Variants in CTNNA3 observed in about 807,000 individuals in gnomAD.
CTNNA3 encodes catenin alpha-3.
A neutral mutation model predicts 95.7 loss-of-function variants in CTNNA3; 76 were observed. That is an observed-to-expected ratio of 0.79 (90% CI 0.66 to 0.96). CTNNA3 has a LOEUF of 0.96. Ranked by LOEUF, CTNNA3 falls within the 40% of genes least tolerant of loss-of-function variation. The pLI, the probability that CTNNA3 is intolerant of heterozygous loss-of-function variation, is 0.00. For missense variants in CTNNA3, 1,191 were observed against 1,089.8 expected (o/e 1.09, Z -1.31); for synonymous variants, 431 against 374.4 (o/e 1.15, Z -1.74).
intron 15 of CTNNA3, among the ~76,000 whole-genome samples, chr10:66,069,019 G>C (rs1191893040): frequency 6.6e-6 from 1 of 152,114 alleles, no homozygotes; most frequent in Non-Finnish European, 1.5e-5. Flanking sequence ...ATTCTTTGTA[G>C]AAGTCACATG....
intron 12 of CTNNA3, among the ~76,000 whole-genome samples, chr10:66,352,639 A>G (rs2092575656): frequency 6.6e-6 from 1 of 152,078 alleles, no homozygotes; most frequent in Non-Finnish European, 1.5e-5. Flanking sequence ...TCCTATCATG[A>G]AATTCCCCTA....
chr10:67,716,694 G>T (rs1211734882), intron 1 of CTNNA3, among the ~76,000 whole-genome samples: 1 of 152,112 alleles, frequency 6.6e-6, no homozygotes, highest in African/African-American at 2.4e-5. Context: ...GTGTGTATGT[G>T]CCACATTTTC....
At chr10:67,178,743 G>T (rs9730985) in intron 7 of CTNNA3, among the ~76,000 whole-genome samples, 55,499 of 151,736 alleles carry the variant, frequency 0.37, 14,559 homozygotes, top group African/African-American at 0.75. Context: ...TCTGTAAAGA[G>T]GAAAATAATA....
In CTNNA3 at chr10:66,500,842, T is replaced by A. The variant is rs185873091; in HGVS notation, c.1531+19775A>T. Among the ~76,000 whole-genome samples the A allele has an allele frequency of 5.4e-4, 83 of 152,300 alleles. No homozygotes were observed. The East Asian group carries it at 0.014, about 26-fold the overall frequency. Reference sequence around the variant, plus strand: ...ATTAAATTATAAGGTTATGGGGGATTGTAGGGTAGTTGGTCTGGATGTCAG... The same window carrying A: ...ATTAAATTATAAGGTTATGGGGGATAGTAGGGTAGTTGGTCTGGATGTCAG... On this transcript the variant is annotated intron_variant, in intron 11 of 17. Transcript: ENST00000433211.
At chr10:66,595,839 G>A (rs1032766508) in intron 10 of CTNNA3, among the ~76,000 whole-genome samples, 2 of 151,644 alleles carry the variant, frequency 1.3e-5, no homozygotes, top group African/African-American at 2.4e-5. Context: ...TTGTAGAGAC[G>A]GGTTTCACTG....
At chr10:67,327,407 T>C (rs897097176) in intron 5 of CTNNA3, among the ~76,000 whole-genome samples, 1 of 152,236 alleles carries the variant, frequency 6.6e-6, no homozygotes, top group Non-Finnish European at 1.5e-5. Context: ...GTTTTTTTCC[T>C]TTTATCCTAT....
chr10:67,298,623 A>G (rs2132489088), intron 5 of CTNNA3, among the ~76,000 whole-genome samples: 1 of 152,348 alleles, frequency 6.6e-6, no homozygotes, highest in South Asian at 2.1e-4. Context: ...CTAGATTATG[A>G]GTGATCAGCT....
At chr10:66,990,287 G>A (rs1850972214) in intron 7 of CTNNA3, among the ~76,000 whole-genome samples, 1 of 152,122 alleles carries the variant, frequency 6.6e-6, no homozygotes, top group South Asian at 2.1e-4. Flanking sequence ...TAGTGCTGTG[G>A]CCAGGTGAAG....
In CTNNA3 at chr10:66,252,294, T is replaced by A. The variant is rs542048070; in HGVS notation, c.1884+28176A>T. Among the ~76,000 whole-genome samples, 7 of 152,340 alleles carry A rather than the reference T, an allele frequency of 4.6e-5. No homozygotes were observed. In the East Asian group the frequency reaches 1.3e-3, roughly 29 times the overall value. On this transcript the variant is annotated intron_variant, in intron 13 of 17. Coordinates refer to ENST00000433211, the MANE Select transcript of CTNNA3 (RefSeq NM_013266.4). The stretch of plus-strand genomic sequence containing the variant: ...TCAGGAAGAGAACATATTTTCAAGT[T>A]TATTTGCCTAGGCATCAAATGTTTA...
chr10:67,311,293 A>G (rs1446194090), intron 5 of CTNNA3, among the ~76,000 whole-genome samples: 1 of 152,154 alleles, frequency 6.6e-6, no homozygotes, highest in African/African-American at 2.4e-5. Context: ...AGAAGCAAAA[A>G]AGTGAGACAG....
chr10:67,053,956 T>G (rs565709332), intron 7 of CTNNA3, among the ~76,000 whole-genome samples: 4 of 152,132 alleles, frequency 2.6e-5, no homozygotes, highest in East Asian at 3.9e-4. Context: ...CTAATGACCT[T>G]ATGTCATCCA....
chr10:66,506,838 G>C (rs958201557), intron 11 of CTNNA3, among the ~76,000 whole-genome samples: 13 of 152,066 alleles, frequency 8.5e-5, no homozygotes, highest in African/African-American at 3.1e-4. Flanking sequence ...TTTTGACTAG[G>C]TATAGGTTGA....
chr10:67,564,600 A>C (rs570695317), intron 3 of CTNNA3, among the ~76,000 whole-genome samples: 11 of 140,026 alleles, frequency 7.9e-5, no homozygotes, highest in African/African-American at 2.7e-4. Context: ...TATGTAACAA[A>C]CCTGCACGTT....
intron 12 of CTNNA3, among the ~76,000 whole-genome samples, chr10:66,330,793 G>A (rs2092316631): frequency 6.6e-6 from 1 of 151,980 alleles, no homozygotes; most frequent in South Asian, 2.1e-4. Flanking sequence ...TCTCATTGTG[G>A]TTTTCATTTG....
chr10:66,966,395 G>A (rs1849412252), intron 7 of CTNNA3, among the ~76,000 whole-genome samples: 1 of 151,898 alleles, frequency 6.6e-6, no homozygotes, highest in African/African-American at 2.4e-5. Context: ...TAATTTATTT[G>A]ATGTCATTAC....
At chr10:66,969,070 A>G (rs1849584469) in intron 7 of CTNNA3, among the ~76,000 whole-genome samples, 1 of 152,012 alleles carries the variant, frequency 6.6e-6, no homozygotes, top group Non-Finnish European at 1.5e-5. Context: ...TATTTACTTT[A>G]TGAGCTATTT....
chr10:67,333,329 G>C (rs926300405), intron 5 of CTNNA3, among the ~76,000 whole-genome samples: 2 of 152,050 alleles, frequency 1.3e-5, no homozygotes, highest in African/African-American at 4.8e-5. Flanking sequence ...ATAACAACAA[G>C]CCAATGCAGC....
At chr10:66,681,159 T>C (rs934765194) in intron 9 of CTNNA3, among the ~76,000 whole-genome samples, 13 of 152,188 alleles carry the variant, frequency 8.5e-5, no homozygotes, top group Admixed American at 7.9e-4. Flanking sequence ...TTGAAATATG[T>C]CATAAGAGTG....
chr10:66,967,343 T>TAG (rs1564800692), intron 7 of CTNNA3, among the ~76,000 whole-genome samples: 4 of 150,838 alleles, frequency 2.7e-5, no homozygotes, highest in African/African-American at 7.3e-5. Flanking sequence ...CATATATATA[T>TAG]ATAGATAGAT....
Sources: gnomAD v4.1 joint callset for allele counts (sites outside exome capture counted in the v4.1 genomes callset) on GRCh38, gnomAD v4.1.1 for gene constraint, MANE v1.5 for transcripts, NCBI Gene and HGNC (gene_info 2026-07-23, HGNC 2026-07-21) for gene names.